The following EXOC2 variants were observed in gnomAD, a reference collection of about 807,000 sequenced individuals.
The protein encoded by EXOC2 is exocyst complex component 2, also known as SEC5-like 1.
A neutral mutation model predicts 131.8 loss-of-function variants in EXOC2; 70 were observed. That is an observed-to-expected ratio of 0.53 (90% CI 0.44 to 0.65). EXOC2 has a LOEUF of 0.65. Ranked by LOEUF, EXOC2 falls within the 30% of genes least tolerant of loss-of-function variation. EXOC2 has a pLI of 0.00. For missense variants in EXOC2, 923 were observed against 1,108.6 expected (o/e 0.83, Z 2.38); for synonymous variants, 411 against 398.4 (o/e 1.03, Z -0.38).
Position 680,634 on chromosome 6 carries a change from A to G in EXOC2, c.-44+12385T>C, listed in dbSNP as rs12055779. On this transcript the variant is annotated intron_variant, in intron 1 of 27. Coordinates refer to ENST00000230449, the MANE Select transcript of EXOC2 (RefSeq NM_018303.6). ...ATCCAGGCAGCAGAGGGTCTCCTTAAGAACGCTGACCACATGAGGCTTCCT... is the reference window on the plus strand; with the variant it reads ...ATCCAGGCAGCAGAGGGTCTCCTTAGGAACGCTGACCACATGAGGCTTCCT... 1.1e-3 allele frequency among the ~76,000 whole-genome samples: 169 copies of G among 152,312 alleles called. 1 individual carries two copies. In the East Asian group the frequency reaches 0.031, roughly 28 times the overall value.
chr6:667,893 CCA>C lies in EXOC2; in HGVS notation c.-44+25124_-44+25125del, dbSNP rs1329303504. On this transcript the variant is annotated intron_variant, in intron 1 of 27. Coordinates refer to ENST00000230449, the MANE Select transcript of EXOC2 (RefSeq NM_018303.6). Reference sequence around the variant, plus strand: ...TCCATCCATCCATCCATCCATCCATCCATCCATCCATCCATCCATCCGTCCAT... The same window carrying C: ...TCCATCCATCCATCCATCCATCCATCTCCATCCATCCATCCATCCGTCCAT... 8.5e-4 allele frequency among the ~76,000 whole-genome samples: 129 copies of C among 152,114 alleles called. 1 individual carries two copies. The highest frequency in any genetic ancestry group is 3.0e-3 in the African/African-American group (123 of 41,504).
Position 632,936 on chromosome 6 carries a change from T to G in EXOC2, c.295+5A>C, listed in dbSNP as rs779873018. ...TCTTTAGAATAAACCCATGAAAGAC[T>G]TTACCTATTTTCTCAGGTTTGAGTA... On this transcript the variant is annotated splice_donor_5th_base_variant and intron_variant, in intron 3 of 27. Transcript: ENST00000230449. 2 of 1,603,904 alleles carry G rather than the reference T, an allele frequency of 1.2e-6. No individual in the cohort carries two copies. Among genetic ancestry groups the G allele is most frequent in the South Asian group, 1.1e-5 (1 of 90,056 alleles).
chr6:632,639 T>C (rs1202957334), intron 3 of EXOC2, among the ~76,000 whole-genome samples: 1 of 152,250 alleles, frequency 6.6e-6, no homozygotes, highest in Non-Finnish European at 1.5e-5. Flanking sequence ...AATGTCATTA[T>C]ATTCAAGATC....
intron 1 of EXOC2, among the ~76,000 whole-genome samples, chr6:675,081 T>C (rs2127784154): frequency 6.6e-6 from 1 of 152,306 alleles, no homozygotes; most frequent in South Asian, 2.1e-4. Context: ...CTCTGCCTCC[T>C]GACCTACCCC....
intron 17 of EXOC2, 65 bp from the exon 18 acceptor site, chr6:556,629 A>G: frequency 1.3e-6 from 2 of 1,553,166 alleles, no homozygotes; most frequent in African/African-American, 1.4e-5. Flanking sequence ...CATGTTTAAC[A>G]CAAGCGAATA....
At chr6:680,838 CCTGGGCTTGT>C (rs1185695281) in intron 1 of EXOC2, among the ~76,000 whole-genome samples, 1 of 152,154 alleles carries the variant, frequency 6.6e-6, no homozygotes, top group Non-Finnish European at 1.5e-5. Context: ...AGTGGGCTTG[CCTGGGCTTGT>C]CATCATATTC....
intron 7 of EXOC2, among the ~76,000 whole-genome samples, chr6:601,080 T>TA (rs1421892130): frequency 5.9e-5 from 9 of 152,212 alleles, no homozygotes; most frequent in Non-Finnish European, 1.3e-4. Flanking sequence ...CTTTCTTCTT[T>TA]AGGGCTACTA....
At chr6:535,446 T>C (rs1766381154) in intron 22 of EXOC2, among the ~76,000 whole-genome samples, 1 of 150,980 alleles carries the variant, frequency 6.6e-6, no homozygotes, top group Admixed American at 6.6e-5. Flanking sequence ...GATGAAGAAA[T>C]AAAGAAAAAA....
intron 1 of EXOC2, chr6:656,238 A>G: frequency 1.2e-6 from 2 of 1,614,240 alleles, no homozygotes; most frequent in Non-Finnish European, 1.7e-6. Flanking sequence ...AAACTGCAGA[A>G]GCTTCCGATT....
rs751121922 is a variant in EXOC2, at chr6:564,619, G to C, written c.1593C>G (p.Ala531=). The C allele has an allele frequency of 2.5e-6, 4 of 1,613,528 alleles. No homozygotes were observed. The African/African-American group carries it at 4.0e-5, about 16-fold the overall frequency. ...TCACCTCCCAGCCTCCGTACTGCTT[G>C]GCTTCCCCATCCCGGATGCTGAGGG... ...LLPLSIRDGE[A]KQYGGWEVKC... is the part of the protein sequence containing the mutation. Residue 531 remains alanine (A), a synonymous_variant, in exon 15 of 28, where the codon GCC becomes GCG. Coordinates refer to ENST00000230449, the MANE Select transcript of EXOC2 (RefSeq NM_018303.6).
chr6:544,919 G>T (rs569010985), intron 22 of EXOC2, among the ~76,000 whole-genome samples: 1 of 151,726 alleles, frequency 6.6e-6, no homozygotes, highest in African/African-American at 2.4e-5. Context: ...AGGCCGAGGC[G>T]GGTGGATCAT....
intron 23 of EXOC2, among the ~76,000 whole-genome samples, chr6:517,351 A>T (rs147454294): frequency 6.6e-6 from 1 of 152,184 alleles, no homozygotes; most frequent in Non-Finnish European, 1.5e-5. Flanking sequence ...TTAAAAAAAA[A>T]TCAACTACAA....
chr6:630,209 C>G (rs1761775487), intron 3 of EXOC2, among the ~76,000 whole-genome samples: 1 of 152,134 alleles, frequency 6.6e-6, no homozygotes, highest in African/African-American at 2.4e-5. Context: ...CATTACTCAA[C>G]AGAGAAGACA....
In EXOC2 at chr6:497,367, C is replaced by T. The variant is rs1763801734; in HGVS notation, c.2559G>A (p.Gln853=). The T allele has an allele frequency of 6.2e-7, 1 of 1,612,488 alleles. No homozygotes were observed. The highest frequency in any genetic ancestry group is 1.7e-5 in the Admixed American group (1 of 59,702). The change falls in exon 25 of 28, where the codon CAG becomes CAA. Residue 853 remains glutamine, a splice_region_variant and synonymous_variant. Transcript: ENST00000230449. ...ATATGAAATTGAATGATTTTGTTAC[C>T]TGTAAAGCTCCATTTTTGCTGAAGG... ...VSSFSKNGAL[Q]ARLEICALRD...
chr6:597,030 T>A (rs886191508), intron 10 of EXOC2, among the ~76,000 whole-genome samples: 7 of 152,188 alleles, frequency 4.6e-5, no homozygotes, highest in African/African-American at 1.7e-4. Flanking sequence ...GCAGATTTGA[T>A]TACCATGTCC....
intron 22 of EXOC2, among the ~76,000 whole-genome samples, chr6:545,178 A>AC (rs1756781037): frequency 7.2e-6 from 1 of 139,326 alleles, no homozygotes; most frequent in African/African-American, 2.7e-5. Flanking sequence ...AAAAAAAAAA[A>AC]CTTCAATTAA....
chr6:604,024 C>T (rs1760258046), intron 7 of EXOC2, among the ~76,000 whole-genome samples: 2 of 152,290 alleles, frequency 1.3e-5, no homozygotes, highest in African/African-American at 2.4e-5. Flanking sequence ...ATGGTTATGT[C>T]GCTGTAAGAC....
At chr6:557,617 CAAAAAA>C (rs59474432) in intron 17 of EXOC2, among the ~76,000 whole-genome samples, 2 of 111,194 alleles carry the variant, frequency 1.8e-5, no homozygotes, top group Non-Finnish European at 3.4e-5. Flanking sequence ...GACTTCATCT[CAAAAAA>C]AAAAAAAAAA....
At chr6:605,886 A>G (rs1321191904) in intron 7 of EXOC2, among the ~76,000 whole-genome samples, 1 of 152,172 alleles carries the variant, frequency 6.6e-6, no homozygotes, top group Non-Finnish European at 1.5e-5. Context: ...TGTCCCAGAG[A>G]TTCTGGTATG....
Sources: allele counts gnomAD v4.1 joint callset (sites outside exome capture counted in the v4.1 genomes callset), GRCh38; gene constraint gnomAD v4.1.1; transcripts MANE v1.5; gene names NCBI Gene and HGNC (gene_info 2026-07-23, HGNC 2026-07-21).